SDK1: variants seen among roughly 807,000 people sequenced by gnomAD.
The protein encoded by SDK1 is sidekick cell adhesion molecule 1.
Under a neutral mutation model 245.5 loss-of-function variants are expected in SDK1, and 157 were observed. The observed-to-expected ratio is 0.64, with a 90% CI of 0.56 to 0.73. The LOEUF (loss-of-function observed/expected upper bound fraction) is 0.73, where lower values mean the gene tolerates loss of function less well. Among genes scored for constraint, SDK1 ranks in the 30% least tolerant of loss-of-function variants. SDK1 has a pLI of 0.00. For synonymous variants in SDK1, 1,647 were observed against 1,278.5 expected (o/e 1.29, Z -6.15); for missense variants, 3,583 against 3,002.3 (o/e 1.19, Z -4.52).
intron 4 of SDK1, among the ~76,000 whole-genome samples, chr7:3,692,237 A>G (rs977909407): frequency 3.3e-5 from 5 of 152,152 alleles, no homozygotes; most frequent in African/African-American, 9.6e-5. Context: ...TTTATAGACA[A>G]CTAAGAAAAA....
In SDK1 at chr7:3,642,274, A is replaced by G. The variant is rs181747095; in HGVS notation, c.713+169A>G. Among the ~76,000 whole-genome samples the G allele has an allele frequency of 2.6e-4, 40 of 152,342 alleles. No individual in the cohort carries two copies. The East Asian group carries it at 6.4e-3, about 24-fold the overall frequency. On this transcript the variant is annotated intron_variant, in intron 4 of 44. Coordinates refer to ENST00000404826, the MANE Select transcript of SDK1 (RefSeq NM_152744.4). Reference sequence around the variant, plus strand: ...AACAGCTATTTGAGGACTGGCTTGAATATTTTTAACCAGTTTAAGCAAATA... The same window carrying G: ...AACAGCTATTTGAGGACTGGCTTGAGTATTTTTAACCAGTTTAAGCAAATA...
chr7:4,027,953 G>A (rs1043448932), intron 17 of SDK1, among the ~76,000 whole-genome samples: 1 of 151,768 alleles, frequency 6.6e-6, no homozygotes, highest in Non-Finnish European at 1.5e-5. Flanking sequence ...CAACAAGCAG[G>A]GGAAGAATGG....
chr7:3,734,901 G>A (rs915348302), intron 4 of SDK1, among the ~76,000 whole-genome samples: 1 of 152,176 alleles, frequency 6.6e-6, no homozygotes, highest in African/African-American at 2.4e-5. Context: ...CAAGCAGTCA[G>A]TCCTGTTCTT....
chr7:3,657,210 G>C (rs887763944), intron 4 of SDK1, among the ~76,000 whole-genome samples: 1 of 152,164 alleles, frequency 6.6e-6, no homozygotes, highest in African/African-American at 2.4e-5. Flanking sequence ...TTAGGGCTGG[G>C]GCCATGAGGA....
chr7:3,945,898 G>GT (rs1454209701), intron 5 of SDK1, among the ~76,000 whole-genome samples: 9 of 8,256 alleles, frequency 1.1e-3, no homozygotes, highest in Admixed American at 4.3e-3. Context: ...GACTCTGTCT[G>GT]TAAAAAAAAA....
chr7:3,725,624 C>T (rs933152577), intron 4 of SDK1, among the ~76,000 whole-genome samples: 3 of 152,148 alleles, frequency 2.0e-5, no homozygotes, highest in Non-Finnish European at 2.9e-5. Context: ...GAGACAGGAG[C>T]CCCAAGAACA....
intron 1 of SDK1, among the ~76,000 whole-genome samples, chr7:3,421,092 C>CT (rs570530094): frequency 0.15 from 20,516 of 137,044 alleles, 2,404 homozygotes; most frequent in African/African-American, 0.32. Flanking sequence ...CTGTACTCTC[C>CT]TTTTTTTTTT....
At chr7:4,156,615 C>T (rs1051987867) in intron 30 of SDK1, among the ~76,000 whole-genome samples, 9 of 152,262 alleles carry the variant, frequency 5.9e-5, no homozygotes, top group Admixed American at 2.0e-4. Context: ...TTAAGCAGGA[C>T]GGGGACCTGA....
chr7:3,789,520 A>T (rs992856788), intron 4 of SDK1, among the ~76,000 whole-genome samples: 2 of 152,208 alleles, frequency 1.3e-5, no homozygotes, highest in African/African-American at 2.4e-5. Flanking sequence ...AGTTATTTTA[A>T]TGGGACTTTT....
chr7:4,213,466 T>C (rs572407778), intron 38 of SDK1, among the ~76,000 whole-genome samples: 1 of 151,430 alleles, frequency 6.6e-6, no homozygotes, highest in South Asian at 2.1e-4. Context: ...GTGCCTGTAG[T>C]CCCAGTTACT....
intron 1 of SDK1, among the ~76,000 whole-genome samples, chr7:3,326,795 C>A (rs1779951449): frequency 6.6e-6 from 1 of 152,046 alleles, no homozygotes; most frequent in Admixed American, 6.6e-5. Flanking sequence ...TACATCCCAC[C>A]TGTTTTCCTT....
intron 22 of SDK1, among the ~76,000 whole-genome samples, chr7:4,096,228 C>A (rs1211490613): frequency 3.3e-5 from 5 of 152,224 alleles, no homozygotes; most frequent in Non-Finnish European, 7.3e-5. Context: ...TTTACTGCTG[C>A]CAGCATTCCG....
chr7:3,502,847 T>G (rs1028021537), intron 1 of SDK1, among the ~76,000 whole-genome samples: 2 of 152,202 alleles, frequency 1.3e-5, no homozygotes, highest in African/African-American at 4.8e-5. Context: ...TGAATGACCT[T>G]GAGCAAATTG....
chr7:3,516,310 A>G (rs1056872507), intron 1 of SDK1, among the ~76,000 whole-genome samples: 5 of 152,012 alleles, frequency 3.3e-5, no homozygotes, highest in Non-Finnish European at 7.4e-5. Context: ...GCAGCTGTAG[A>G]TCATAGGATA....
chr7:3,824,433 C>G (rs927666351), intron 5 of SDK1, among the ~76,000 whole-genome samples: 1 of 152,160 alleles, frequency 6.6e-6, no homozygotes, highest in Non-Finnish European at 1.5e-5. Flanking sequence ...TGAACACCAT[C>G]GGGATGATCG....
At chr7:3,907,491 C>G (rs1290816278) in intron 5 of SDK1, among the ~76,000 whole-genome samples, 1 of 152,142 alleles carries the variant, frequency 6.6e-6, no homozygotes, top group Non-Finnish European at 1.5e-5. Flanking sequence ...TCTGACATAC[C>G]ACACTCTATG....
chr7:3,487,693 T>A (rs1781742125), intron 1 of SDK1, among the ~76,000 whole-genome samples: 1 of 140,038 alleles, frequency 7.1e-6, no homozygotes, highest in Non-Finnish European at 1.5e-5. Flanking sequence ...AAATTGAGGC[T>A]GCAGTGAGCT....
chr7:3,934,467 C>A (rs544511900), intron 5 of SDK1, among the ~76,000 whole-genome samples: 7 of 152,366 alleles, frequency 4.6e-5, no homozygotes, highest in Middle Eastern at 3.4e-3. Flanking sequence ...CAAACAGTCA[C>A]AAACATCCCA....
At chr7:4,215,802 G>C (rs1183153795) in intron 38 of SDK1, among the ~76,000 whole-genome samples, 1 of 152,146 alleles carries the variant, frequency 6.6e-6, no homozygotes, top group Non-Finnish European at 1.5e-5. Flanking sequence ...AATAGTCAGA[G>C]TTGGGGTCCT....
Sources: gnomAD v4.1 joint callset for allele counts (sites outside exome capture counted in the v4.1 genomes callset) on GRCh38, gnomAD v4.1.1 for gene constraint, MANE v1.5 for transcripts, NCBI Gene and HGNC (gene_info 2026-07-23, HGNC 2026-07-21) for gene names.